RGS9: variants seen among roughly 807,000 people sequenced by gnomAD.
RGS9 encodes regulator of G protein signaling 9.
In RGS9, 78 loss-of-function variants were observed where a neutral mutation model predicts 102.0. The observed-to-expected ratio is 0.76, with a 90% CI of 0.64 to 0.92. RGS9 has a LOEUF of 0.92. Among genes scored for constraint, RGS9 ranks in the 40% least tolerant of loss-of-function variants. The pLI, the probability that RGS9 is intolerant of heterozygous loss-of-function variation, is 0.00. For synonymous variants in RGS9, 353 were observed against 318.6 expected, an observed-to-expected ratio of 1.11 and a Z score of -1.15; for missense variants, 833 against 866.1, an observed-to-expected ratio of 0.96 and a Z score of 0.48.
rs894969416 is a variant in RGS9, at chr17:65,210,444, G to C, written c.1290-44G>C. Reference sequence around the variant, plus strand: ...GTGTGACAGGGTCAGTGTTGGGCAAGCTGTGTCATTTTCCTCCAACCACCA... The same window carrying C: ...GTGTGACAGGGTCAGTGTTGGGCAACCTGTGTCATTTTCCTCCAACCACCA... On this transcript the variant is annotated intron_variant, in intron 16 of 18. Transcript: ENST00000262406. The C allele has an allele frequency of 2.5e-6, 4 of 1,606,296 alleles. 1 individual carries two copies. The highest frequency in any genetic ancestry group is 3.4e-6 in the Non-Finnish European group (4 of 1,174,734).
rs1172127734 is a variant in RGS9 at position 65,163,113 on chromosome 17, G to T, written c.500+24G>T. Reference sequence around the variant, plus strand: ...AGGTGAGTGAAAGGAGACCATGCTTGTCCTCTCGGTGTCTTTCCTCCCTCT... The same window carrying T: ...AGGTGAGTGAAAGGAGACCATGCTTTTCCTCTCGGTGTCTTTCCTCCCTCT... On this transcript the variant is annotated intron_variant, in intron 7 of 18. Transcript: ENST00000262406. 4.0e-6 allele frequency: 5 copies of T among 1,251,078 alleles called. No individual in the cohort carries two copies. The African/African-American group carries it at 6.0e-5, about 15-fold the overall frequency. The allele number at this position is 1,251,078 out of a possible 1,614,324, so 77.5% of individuals were successfully genotyped here. A position where few individuals can be genotyped will look rare whatever the true frequency, so the allele number is the denominator to read the frequency against.
chr17:65,211,203 C>T (rs572100151), intron 17 of RGS9, among the ~76,000 whole-genome samples: 7 of 152,284 alleles, frequency 4.6e-5, no homozygotes, highest in South Asian at 2.1e-4. Context: ...TCTGAGGATC[C>T]GCCGAGGGGC....
At chr17:65,158,550 A>G in intron 3 of RGS9, 1 of 647,820 alleles carries the variant, frequency 1.5e-6, no homozygotes. Flanking sequence ...AAATATTTAG[A>G]GCATAAATAA....
intron 13 of RGS9, 63 bp from the exon 14 acceptor site, chr17:65,201,930 T>A: frequency 8.8e-7 from 1 of 1,132,100 alleles, no homozygotes. Flanking sequence ...TTTTATTTCC[T>A]CTTTTCTTCT....
intron 9 of RGS9, among the ~76,000 whole-genome samples, chr17:65,182,422 C>T (rs987565212): frequency 2.0e-5 from 3 of 152,176 alleles, no homozygotes; most frequent in Non-Finnish European, 4.4e-5. Flanking sequence ...CTCCGTTTCA[C>T]GGTTGAGAAA....
chr17:65,160,199 C>T, intron 3 of RGS9, 34 bp from the exon 4 acceptor site: 1 of 1,525,784 alleles, frequency 6.6e-7, no homozygotes, highest in Admixed American at 1.7e-5. Context: ...CTCAGCCCTG[C>T]TCTTAACATC....
chr17:65,186,544 A>G (rs1397653186), intron 9 of RGS9, among the ~76,000 whole-genome samples: 1 of 152,174 alleles, frequency 6.6e-6, no homozygotes, highest in Non-Finnish European at 1.5e-5. Flanking sequence ...GAGTCATTCC[A>G]TCCTGTAGCA....
rs1268995566 is a variant in RGS9, at chr17:65,142,672, T to A, written c.57+5075T>A. Among the ~76,000 whole-genome samples the A allele has an allele frequency of 3.3e-5, 5 of 151,140 alleles. No individual in the cohort carries two copies. The East Asian group carries it at 9.8e-4, about 30-fold the overall frequency. On this transcript the variant is annotated intron_variant, in intron 1 of 18. Transcript: ENST00000262406. ...ATCTCGGCTAACGGTAACCTCTGCCTCCCGGGTTCAAGTGATTCTCCTGCC... is the reference window on the plus strand; with the variant it reads ...ATCTCGGCTAACGGTAACCTCTGCCACCCGGGTTCAAGTGATTCTCCTGCC...
chr17:65,205,395 T>C (rs75391104), intron 15 of RGS9, among the ~76,000 whole-genome samples: 4,062 of 152,244 alleles, frequency 0.027, 183 homozygotes, highest in African/African-American at 0.093. Flanking sequence ...TTATGGATAT[T>C]GGTTATGTGA....
intron 9 of RGS9, among the ~76,000 whole-genome samples, chr17:65,178,536 C>T (rs1230389092): frequency 6.6e-6 from 1 of 151,882 alleles, no homozygotes; most frequent in Non-Finnish European, 1.5e-5. Context: ...CAGGGTCTCA[C>T]TCTGTTGCCC....
At chr17:65,200,352 G>T (rs1912783181) in intron 13 of RGS9, among the ~76,000 whole-genome samples, 1 of 152,206 alleles carries the variant, frequency 6.6e-6, no homozygotes, top group Non-Finnish European at 1.5e-5. Flanking sequence ...CCTTTTTAAG[G>T]CCAAATGATA....
intron 17 of RGS9, among the ~76,000 whole-genome samples, chr17:65,213,744 G>A (rs539258733): frequency 6.6e-6 from 1 of 152,180 alleles, no homozygotes; most frequent in Non-Finnish European, 1.5e-5. Context: ...GCTCATACGG[G>A]GACTCCTTGT....
At chr17:65,187,223 C>T (rs1055898455) in intron 9 of RGS9, among the ~76,000 whole-genome samples, 4 of 152,172 alleles carry the variant, frequency 2.6e-5, no homozygotes, top group East Asian at 1.9e-4. Context: ...TACTCTGCAT[C>T]GGACATTGTG....
intron 1 of RGS9, among the ~76,000 whole-genome samples, chr17:65,144,482 C>G (rs544579556): frequency 5.3e-5 from 8 of 152,302 alleles, no homozygotes; most frequent in African/African-American, 1.7e-4. Flanking sequence ...CAGCTGACAC[C>G]CTGACCCCCT....
At chr17:65,218,401 A>G (rs1913588894) in intron 17 of RGS9, among the ~76,000 whole-genome samples, 1 of 152,232 alleles carries the variant, frequency 6.6e-6, no homozygotes, top group Admixed American at 6.5e-5. Context: ...AAATGAACAC[A>G]TCTCTGTCTT....
At chr17:65,149,950 A>G (rs942415056) in intron 1 of RGS9, among the ~76,000 whole-genome samples, 20 of 152,306 alleles carry the variant, frequency 1.3e-4, no homozygotes, top group African/African-American at 4.8e-4. Flanking sequence ...CAGATCATGA[A>G]AGGATTTTGT....
chr17:65,152,003 C>G (rs1489624666), intron 1 of RGS9, among the ~76,000 whole-genome samples: 2 of 152,176 alleles, frequency 1.3e-5, no homozygotes, highest in East Asian at 3.9e-4. Context: ...AGGGGAGATG[C>G]ACCACCGACA....
At chr17:65,207,764 T>G (rs1913124497) in intron 15 of RGS9, among the ~76,000 whole-genome samples, 158 bp from the exon 16 acceptor site, 1 of 152,160 alleles carries the variant, frequency 6.6e-6, no homozygotes, top group Non-Finnish European at 1.5e-5. Context: ...TGAGAACCAC[T>G]GCTCTCAACA....
Position 65,225,217 on chromosome 17 carries a change from G to A in RGS9, c.1623G>A (p.Glu541=), listed in dbSNP as rs769933209. Residue 541 remains glutamate (E), a synonymous_variant, in exon 18 of 19, where the codon GAG becomes GAA. Transcript: ENST00000262406. The stretch of plus-strand genomic sequence containing the variant: ...CATCGGGCTTGGAGCAGAAAGGGGA[G>A]TGCAGCGGGTCCATGGCCCCCCGTG... ...ESSSGLEQKG[E]CSGSMAPRGP... is the part of the protein sequence containing the mutation. 4.3e-6 allele frequency: 7 copies of A among 1,612,412 alleles called. No homozygotes were observed. In the East Asian group the frequency reaches 1.6e-4, roughly 36 times the overall value.
Sources: gnomAD v4.1 joint callset for allele counts (sites outside exome capture counted in the v4.1 genomes callset) on GRCh38, gnomAD v4.1.1 for gene constraint, MANE v1.5 for transcripts, NCBI Gene and HGNC (gene_info 2026-07-23, HGNC 2026-07-21) for gene names.